MAP1B: variants seen among roughly 807,000 people sequenced by gnomAD.
MAP1B encodes the protein microtubule-associated protein 1B.
Under a neutral mutation model 176.1 loss-of-function variants are expected in MAP1B, and 12 were observed. The observed-to-expected ratio is 0.07, with a 90% CI of 0.04 to 0.11. The LOEUF is 0.11. Ranked by LOEUF, MAP1B falls within the 10% of genes least tolerant of loss-of-function variation. MAP1B has a pLI of 1.00. For missense variants in MAP1B, 2,523 were observed against 2,990.5 expected (o/e 0.84, Z 3.65); for synonymous variants, 1,044 against 1,135.0 (o/e 0.92, Z 1.61).
At chr5:72,140,022 C>G (rs775135016) in intron 2 of MAP1B, among the ~76,000 whole-genome samples, 1 of 151,826 alleles carries the variant, frequency 6.6e-6, no homozygotes, top group African/African-American at 2.4e-5. Flanking sequence ...AGTGCAGTGG[C>G]GCGGTCTCAG....
chr5:72,166,400 C>T (rs530368028), intron 2 of MAP1B, among the ~76,000 whole-genome samples: 6 of 152,120 alleles, frequency 3.9e-5, no homozygotes, highest in Non-Finnish European at 8.8e-5. Context: ...TCCCGGTACA[C>T]GATGGGCATC....
rs1053453471 is a variant in MAP1B, at chr5:72,163,245, A to G, written c.287-20498A>G. ...TCCATCTCAAAAAAAAAAAAAAAAA[A>G]AAAGAAAGAAAAATATAGAGAAACC... On this transcript the variant is annotated intron_variant, in intron 2 of 6. Coordinates refer to ENST00000296755, the MANE Select transcript of MAP1B (RefSeq NM_005909.5). Among the ~76,000 whole-genome samples, 56 of 151,478 alleles carry G rather than the reference A, an allele frequency of 3.7e-4. No homozygotes were observed. The South Asian group carries it at 3.7e-3, about 10-fold the overall frequency.
chr5:72,144,390 GT>G (rs1363271425), intron 2 of MAP1B, among the ~76,000 whole-genome samples: 1 of 151,966 alleles, frequency 6.6e-6, no homozygotes, highest in African/African-American at 2.4e-5. Context: ...ACCTTTTAAT[GT>G]TTTTTTACTG....
chr5:72,138,584 G>A (rs1431075212), intron 2 of MAP1B, among the ~76,000 whole-genome samples: 4 of 152,064 alleles, frequency 2.6e-5, no homozygotes, highest in Non-Finnish European at 4.4e-5. Flanking sequence ...TTATTGCTAC[G>A]TTATTTCTCT....
chr5:72,144,435 A>C (rs1236232697), intron 2 of MAP1B, among the ~76,000 whole-genome samples: 1 of 152,092 alleles, frequency 6.6e-6, no homozygotes, highest in Admixed American at 6.5e-5. Flanking sequence ...TTCTTTTCAG[A>C]GACAGGATGG....
intron 2 of MAP1B, chr5:72,116,578 T>C (rs1561289631): frequency 3.6e-6 from 1 of 279,078 alleles, no homozygotes; most frequent in Non-Finnish European, 7.0e-6. Context: ...CTCGTCTTCT[T>C]CTTGTGAGCA....
At chr5:72,140,604 C>G in intron 2 of MAP1B, among the ~76,000 whole-genome samples, 1 of 152,238 alleles carries the variant, frequency 6.6e-6, no homozygotes, top group South Asian at 2.1e-4. Context: ...TAGATCCTTT[C>G]TTTATTAAGT....
chr5:72,162,992 G>A lies in MAP1B; in HGVS notation c.287-20751G>A, dbSNP rs577920565. On this transcript the variant is annotated intron_variant, in intron 2 of 6. Coordinates refer to ENST00000296755, the MANE Select transcript of MAP1B (RefSeq NM_005909.5). ...CGCCTGTAATCCCAGCACTTTGGGA[G>A]GCTGAGGTGGGCAGATCACGAAGTC... Among the ~76,000 whole-genome samples the A allele has an allele frequency of 2.0e-3, 312 of 152,242 alleles. 3 individuals carry two copies. The highest frequency in any genetic ancestry group is 7.4e-3 in the African/African-American group (309 of 41,552).
intron 2 of MAP1B, among the ~76,000 whole-genome samples, chr5:72,164,066 A>C (rs1266787293): frequency 6.6e-6 from 1 of 150,450 alleles, no homozygotes; most frequent in African/African-American, 2.4e-5. Flanking sequence ...CCAAGTAGCT[A>C]GGACAAGTAC....
rs531666872 is a variant in MAP1B, at chr5:72,179,535, C to T, written c.287-4208C>T. On this transcript the variant is annotated intron_variant, in intron 2 of 6. Coordinates refer to ENST00000296755, the MANE Select transcript of MAP1B (RefSeq NM_005909.5). ...ACTTTGTGAGCATCCCAGCCGCCTG[C>T]GCTGAGAACCCGCCCGCCTGCCGCA... 5.8e-5 allele frequency: 45 copies of T among 779,570 alleles called. 1 individual carries two copies. Among genetic ancestry groups the T allele is most frequent in the African/African-American group, 3.0e-4 (16 of 53,220 alleles). The allele number at this position is 779,570 out of a possible 1,614,324, so 48.3% of individuals were successfully genotyped here.
chr5:72,108,428 G>A (rs938514417), intron 1 of MAP1B, among the ~76,000 whole-genome samples: 1 of 152,240 alleles, frequency 6.6e-6, no homozygotes, highest in Non-Finnish European at 1.5e-5. Flanking sequence ...TGCGGGGTGG[G>A]GCTGCTGCTT....
At chr5:72,164,828 T>C (rs1048874507) in intron 2 of MAP1B, among the ~76,000 whole-genome samples, 2 of 152,192 alleles carry the variant, frequency 1.3e-5, no homozygotes, top group African/African-American at 4.8e-5. Context: ...CTTGCAAGGG[T>C]ATTTTGTTCA....
At chr5:72,122,653 T>C (rs1745550724) in intron 2 of MAP1B, among the ~76,000 whole-genome samples, 1 of 151,970 alleles carries the variant, frequency 6.6e-6, no homozygotes, top group Non-Finnish European at 1.5e-5. Context: ...TTTTTTTTTT[T>C]TTTTTAAGAG....
chr5:72,192,846 A>C (rs1303577794), intron 4 of MAP1B, among the ~76,000 whole-genome samples: 1 of 152,246 alleles, frequency 6.6e-6, no homozygotes, highest in Non-Finnish European at 1.5e-5. Context: ...TATGGCCATA[A>C]TATGGAGTGA....
intron 2 of MAP1B, among the ~76,000 whole-genome samples, chr5:72,178,746 G>C (rs1023548792): frequency 8.6e-5 from 13 of 151,692 alleles, no homozygotes; most frequent in African/African-American, 3.1e-4. Flanking sequence ...GTGTGTGTGT[G>C]TGTGTGTGTG....
intron 6 of MAP1B, 120 bp downstream of exon 6, chr5:72,203,921 C>T: frequency 2.6e-6 from 2 of 765,094 alleles, no homozygotes; most frequent in Non-Finnish European, 2.1e-6. Context: ...GAGGTGCCTC[C>T]TGTGTCTGTC....
intron 5 of MAP1B, 109 bp downstream of exon 5, chr5:72,200,476 A>G (rs538407356): frequency 4.2e-5 from 56 of 1,348,072 alleles, no homozygotes; most frequent in Non-Finnish European, 5.4e-5. Flanking sequence ...AGGGAGCACA[A>G]TTGATGCTTT....
intron 2 of MAP1B, among the ~76,000 whole-genome samples, chr5:72,153,414 T>G (rs1005550038): frequency 1.3e-5 from 2 of 151,986 alleles, no homozygotes; most frequent in African/African-American, 4.8e-5. Flanking sequence ...TTACATAAAA[T>G]CTGAAACTAT....
chr5:72,152,208 G>C (rs1397265897), intron 2 of MAP1B, among the ~76,000 whole-genome samples: 1 of 152,128 alleles, frequency 6.6e-6, no homozygotes, highest in African/African-American at 2.4e-5. Flanking sequence ...CCTATCTATG[G>C]ATATGTTTTT....
Sources: allele counts gnomAD v4.1 joint callset (sites outside exome capture counted in the v4.1 genomes callset), GRCh38; gene constraint gnomAD v4.1.1; transcripts MANE v1.5; gene names NCBI Gene and HGNC (gene_info 2026-07-23, HGNC 2026-07-21).